CDK10: variants seen among roughly 807,000 people sequenced by gnomAD.
CDK10 encodes cyclin dependent kinase 10.
Under a neutral mutation model 51.0 loss-of-function variants are expected in CDK10, and 55 were observed. The observed-to-expected ratio is 1.08, with a 90% CI of 0.87 to 1.35. CDK10 has a LOEUF of 1.35. Ranked by LOEUF, CDK10 falls within the 40% of genes most tolerant of loss-of-function variation. The probability of loss-of-function intolerance (pLI) is 0.00; values close to 1 mark genes in which losing one functional copy is unlikely to be tolerated. For synonymous variants in CDK10, 255 were observed against 199.1 expected (o/e 1.28, Z -2.36); for missense variants, 589 against 485.1 (o/e 1.21, Z -2.01).
chr16:89,691,449 C>T lies in CDK10; in HGVS notation c.239C>T (p.Pro80Leu), dbSNP rs1422709848. ...AGGCCACCTCCCTCCCCAGGCATCC[C>T]CATCAGCAGCTTGCGGGAGATCACG... ...VRMDKEKDGIPISSLREITLL... is the reference protein window; with the variant it reads ...VRMDKEKDGILISSLREITLL... Residue 80 changes from proline (P) to leucine (L), a missense_variant, in exon 4 of 13, where the codon CCC (proline) becomes CTC (leucine). By Grantham distance (98) the Pro-to-Leu change is moderately conservative. Transcript: ENST00000353379. 6.2e-7 allele frequency: 1 copy of T among 1,607,396 alleles called. No individual in the cohort carries two copies.
At chr16:89,693,670 C>G in intron 8 of CDK10, 1 of 604,144 alleles carries the variant, frequency 1.7e-6, no homozygotes, top group South Asian at 2.0e-5. Context: ...GGCTCAGTGG[C>G]GTCAAGGGCC....
At chr16:89,687,880 G>T (rs1432373498) in intron 1 of CDK10, 1 of 332,944 alleles carries the variant, frequency 3.0e-6, no homozygotes, top group African/African-American at 2.2e-5. Context: ...TGACAGGCCA[G>T]ATGCTTCTGA....
intron 4 of CDK10, 127 bp from the exon 5 acceptor site, chr16:89,691,679 G>A (rs1009242349): frequency 8.2e-7 from 1 of 1,219,602 alleles, no homozygotes; most frequent in Non-Finnish European, 1.2e-6. Context: ...CTCACCGCCT[G>A]GCTCAGCCCA....
chr16:89,692,049 T>TGG (rs1307034537), intron 5 of CDK10, 162 bp downstream of exon 5: 1 of 644,954 alleles, frequency 1.6e-6, no homozygotes, highest in East Asian at 2.7e-5. Context: ...ATTCCTGTGG[T>TGG]GGGGGCATCT....
intron 1 of CDK10, 97 bp from the exon 2 acceptor site, chr16:89,689,155 A>T: frequency 9.0e-7 from 1 of 1,112,930 alleles, no homozygotes; most frequent in East Asian, 2.4e-5. Context: ...GGTGAGCAAG[A>T]CGTGAGTGGG....
intron 2 of CDK10, chr16:89,689,760 T>C (rs1169338634): frequency 6.3e-6 from 1 of 157,710 alleles, no homozygotes; most frequent in East Asian, 2.0e-4. Flanking sequence ...CATAGCTCAC[T>C]GCGGCCTCGA....
chr16:89,687,102 C>A, intron 1 of CDK10: 1 of 266,098 alleles, frequency 3.8e-6, no homozygotes, highest in Non-Finnish European at 7.0e-6. Context: ...CTGGGTTCAG[C>A]GCCCGAGCTG....
rs1325845216 is a variant in CDK10, at chr16:89,695,325, A to G, written c.965A>G (p.Tyr322Cys). ...GCCGGGGACTGCCTGGAGAGCTCCT[A>G]TTTCAAGGAGAAGCCCCTACGTGAG... ...ATAGDCLESSYFKEKPLPCEP... is the reference protein window; with the variant it reads ...ATAGDCLESSCFKEKPLPCEP... Residue 322 changes from tyrosine (Y) to cysteine (C), a missense_variant, in exon 12 of 13, where the codon TAT becomes TGT. By Grantham distance (194) the Tyr-to-Cys change is radical. Coordinates refer to ENST00000353379, the MANE Select transcript of CDK10 (RefSeq NM_052988.5). 6.2e-6 allele frequency: 10 copies of G among 1,612,348 alleles called. No individual in the cohort carries two copies. The highest frequency in any genetic ancestry group is 2.2e-5 in the East Asian group (1 of 44,832).
In CDK10 at chr16:89,686,728, G is replaced by T. The variant is rs759585856; in HGVS notation, c.18G>T (p.Leu6=). The T allele has an allele frequency of 9.9e-6, 16 of 1,609,460 alleles. No homozygotes were observed. The highest frequency in any genetic ancestry group is 3.3e-4 in the Middle Eastern group (2 of 6,072). ...CGCTCGGCATGGCGGAGCCAGATCT[G>T]GAGTGCGAGCAGATCCGTCTGAAGT... The part of the protein sequence containing the change: MAEPD[L]ECEQIRLKCI... The change falls in exon 1 of 13, where the codon CTG becomes CTT. Residue 6 remains leucine (L), a synonymous_variant. Transcript: ENST00000353379.
At chr16:89,687,863 C>T (rs2060268461) in intron 1 of CDK10, 2 of 339,862 alleles carry the variant, frequency 5.9e-6, no homozygotes, top group Non-Finnish European at 1.2e-5. Flanking sequence ...ACTAGGCCAT[C>T]AGTGAGTGAC....
chr16:89,694,353 C>G, intron 9 of CDK10, 121 bp downstream of exon 9: 2 of 1,075,818 alleles, frequency 1.9e-6, no homozygotes, highest in Non-Finnish European at 2.8e-6. Flanking sequence ...CTTTGCCAGC[C>G]TCCCACTCCC....
rs2060704839 is a variant in CDK10, at chr16:89,695,967, C to T, written c.*275C>T. ...GGCTGCAGGGGTCTCATGTGGTCCT[C>T]CTCGCTATGTTGGAAATGTGCAACC... On this transcript the variant is annotated 3_prime_UTR_variant, in exon 13 of 13. Coordinates refer to ENST00000353379, the MANE Select transcript of CDK10 (RefSeq NM_052988.5). 2 of 626,334 alleles carry T rather than the reference C, an allele frequency of 3.2e-6. No homozygotes were observed. 38.8% of individuals were successfully genotyped at this position (626,334 alleles called of 1,614,324 possible).
intron 4 of CDK10, 79 bp downstream of exon 4, chr16:89,691,624 T>C: frequency 2.3e-6 from 3 of 1,299,456 alleles, no homozygotes; most frequent in Non-Finnish European, 3.3e-6. Flanking sequence ...GAGCGAGGAC[T>C]GAGTGTCACT....
chr16:89,693,520 G>A, intron 8 of CDK10, 53 bp downstream of exon 8: 1 of 1,564,696 alleles, frequency 6.4e-7, no homozygotes, highest in Non-Finnish European at 8.8e-7. Flanking sequence ...GTCTGGTGGA[G>A]GTCTCCTTGG....
chr16:89,694,842 C>T (rs2060630794), intron 10 of CDK10, 54 bp downstream of exon 10: 1 of 1,511,650 alleles, frequency 6.6e-7, no homozygotes, highest in Non-Finnish European at 8.9e-7. Flanking sequence ...CCCTCTGCGC[C>T]CGCAGCCCCC....
chr16:89,693,422 A>T lies in CDK10; in HGVS notation c.563A>T (p.Tyr188Phe). ...GCGGATTTCGGCCTGGCCCGGGCCT[A>T]TGGTGTCCCAGTAAAGCCAATGACC... ...KTADFGLARAYGVPVKPMTPK... is the reference protein window; with the variant it reads ...KTADFGLARAFGVPVKPMTPK... Residue 188 changes from tyrosine to phenylalanine, a missense_variant, in exon 8 of 13, where the codon TAT (tyrosine) becomes TTT (phenylalanine). Physicochemically the swap from Tyr to Phe is conservative, Grantham distance 22 (BLOSUM62 3). Coordinates refer to ENST00000353379, the MANE Select transcript of CDK10 (RefSeq NM_052988.5). 2.5e-6 allele frequency: 4 copies of T among 1,614,162 alleles called. No individual in the cohort carries two copies. The African/African-American group carries it at 5.3e-5, about 22-fold the overall frequency.
At chr16:89,688,537 CA>C (rs2060303202) in intron 1 of CDK10, among the ~76,000 whole-genome samples, 1 of 152,148 alleles carries the variant, frequency 6.6e-6, no homozygotes, top group African/African-American at 2.4e-5. Flanking sequence ...ATTCTGGTTC[CA>C]TTTTTTCTTC....
At chr16:89,692,111 C>G (rs1453377672) in intron 5 of CDK10, 6 of 593,588 alleles carry the variant, frequency 1.0e-5, no homozygotes, top group African/African-American at 3.7e-5. Flanking sequence ...CACTGGTTTC[C>G]TGGGCTGTTG....
rs376202397 is a variant in CDK10 at position 89,694,908 on chromosome 16, G to T, written c.793-23G>T. The T allele has an allele frequency of 6.2e-7, 1 of 1,610,630 alleles. No homozygotes were observed. The highest frequency in any genetic ancestry group is 8.5e-7 in the Non-Finnish European group (1 of 1,179,462). On this transcript the variant is annotated intron_variant, in intron 10 of 12. Transcript: ENST00000353379. The stretch of plus-strand genomic sequence containing the variant: ...CCCCGCCCGTGCCCACGCCCTCTGC[G>T]CCTCAGCTCCTGCCTCCCATAGGGC...
Sources: allele counts gnomAD v4.1 joint callset (sites outside exome capture counted in the v4.1 genomes callset), GRCh38; gene constraint gnomAD v4.1.1; transcripts MANE v1.5; gene names NCBI Gene and HGNC (gene_info 2026-07-23, HGNC 2026-07-21).